The following GRM5 variants were observed in gnomAD, a reference collection of about 807,000 sequenced individuals.
GRM5 encodes the protein metabotropic glutamate receptor 5.
GRM5 carries 19 observed loss-of-function variants against 83.1 expected under a neutral mutation model. That is an observed-to-expected ratio of 0.23 (90% confidence interval 0.16 to 0.34). The LOEUF is 0.34. Ranked by LOEUF, GRM5 falls within the 10% of genes least tolerant of loss-of-function variation. The pLI is 1.00. For missense variants in GRM5, 1,160 were observed against 1,588.3 expected (o/e 0.73, Z 4.58); for synonymous variants, 675 against 633.6 (o/e 1.07, Z -0.98).
intron 3 of GRM5, among the ~76,000 whole-genome samples, chr11:88,683,751 G>A (rs764595625): frequency 6.6e-5 from 10 of 152,126 alleles, no homozygotes; most frequent in Admixed American, 5.2e-4. Flanking sequence ...TATTTGATAA[G>A]TGCTAATATG....
chr11:88,823,585 C>T (rs1216446092), intron 3 of GRM5, among the ~76,000 whole-genome samples: 1 of 151,490 alleles, frequency 6.6e-6, no homozygotes, highest in African/African-American at 2.4e-5. Context: ...GTAGATTTTA[C>T]ATCAGGAAGT....
intron 2 of GRM5, among the ~76,000 whole-genome samples, chr11:88,970,414 G>A (rs549644177): frequency 2.0e-5 from 3 of 152,086 alleles, no homozygotes; most frequent in Non-Finnish European, 4.4e-5. Context: ...CTTCTTAAAC[G>A]TCTTTGTCTG....
intron 2 of GRM5, among the ~76,000 whole-genome samples, chr11:88,921,450 C>T (rs11021675): frequency 0.039 from 5,860 of 152,002 alleles, 180 homozygotes; most frequent in African/African-American, 0.079. Context: ...GGTGAAACCC[C>T]GTCTCTAGTA....
intron 2 of GRM5, among the ~76,000 whole-genome samples, chr11:88,882,334 G>A (rs938430302): frequency 6.6e-6 from 1 of 150,936 alleles, no homozygotes; most frequent in African/African-American, 2.4e-5. Flanking sequence ...GGTAGATCAC[G>A]AGGTCAGGAG....
At chr11:88,801,865 G>A (rs1216909686) in intron 3 of GRM5, among the ~76,000 whole-genome samples, 1 of 152,074 alleles carries the variant, frequency 6.6e-6, no homozygotes, top group East Asian at 1.9e-4. Context: ...GAGGAGAAAA[G>A]CTCCTCATGG....
At chr11:88,703,315 A>G (rs1941078552) in intron 3 of GRM5, among the ~76,000 whole-genome samples, 1 of 152,064 alleles carries the variant, frequency 6.6e-6, no homozygotes, top group Non-Finnish European at 1.5e-5. Context: ...ATTTTACTAT[A>G]CTCTAAAGAA....
chr11:88,827,284 G>A (rs1020895730), intron 3 of GRM5, among the ~76,000 whole-genome samples: 3 of 152,092 alleles, frequency 2.0e-5, no homozygotes, highest in Admixed American at 1.3e-4. Flanking sequence ...CTCCACATCA[G>A]CAATGTTACA....
chr11:88,894,784 T>G (rs1164290290), intron 2 of GRM5, among the ~76,000 whole-genome samples: 2 of 151,956 alleles, frequency 1.3e-5, no homozygotes, highest in Non-Finnish European at 2.9e-5. Flanking sequence ...TCCTTATGAA[T>G]GAATTAGTAC....
intron 2 of GRM5, among the ~76,000 whole-genome samples, chr11:88,928,840 A>G (rs1475198683): frequency 1.3e-5 from 2 of 151,658 alleles, no homozygotes; most frequent in African/African-American, 4.8e-5. Flanking sequence ...AGTGCAGTAA[A>G]TGGATAGTAA....
At chr11:88,950,964 T>C (rs1225620218) in intron 2 of GRM5, among the ~76,000 whole-genome samples, 1 of 152,210 alleles carries the variant, frequency 6.6e-6, no homozygotes, top group Non-Finnish European at 1.5e-5. Flanking sequence ...TATGAGACCA[T>C]CAGTGTTGGG....
intron 1 of GRM5, chr11:89,063,711 G>C (rs559180361): frequency 6.6e-6 from 1 of 152,360 alleles, no homozygotes; most frequent in East Asian, 1.9e-4. Context: ...GAAGGGGAGA[G>C]AGCGGAGGAG....
At chr11:88,978,001 G>C (rs1939395904) in intron 2 of GRM5, among the ~76,000 whole-genome samples, 1 of 152,114 alleles carries the variant, frequency 6.6e-6, no homozygotes, top group Non-Finnish European at 1.5e-5. Context: ...ACATCCTTAA[G>C]TATATCATCT....
intron 2 of GRM5, among the ~76,000 whole-genome samples, chr11:89,004,199 T>C (rs1256985333): frequency 6.6e-6 from 1 of 152,166 alleles, no homozygotes; most frequent in African/African-American, 2.4e-5. Context: ...TTCTCTTAAA[T>C]GCAAGAGGCT....
At chr11:88,731,611 T>C (rs899846488) in intron 3 of GRM5, among the ~76,000 whole-genome samples, 5 of 152,040 alleles carry the variant, frequency 3.3e-5, no homozygotes, top group Admixed American at 6.6e-5. Context: ...AGGAGTGACA[T>C]TATTGATGGG....
chr11:88,602,838 C>T (rs1338879762), intron 5 of GRM5, among the ~76,000 whole-genome samples: 4 of 152,154 alleles, frequency 2.6e-5, no homozygotes, highest in Admixed American at 2.0e-4. Flanking sequence ...AAGTAGAACA[C>T]TTGGCTTAGT....
At chr11:88,823,686 G>C (rs1565248290) in intron 3 of GRM5, among the ~76,000 whole-genome samples, 1 of 152,266 alleles carries the variant, frequency 6.6e-6, no homozygotes, top group South Asian at 2.1e-4. Flanking sequence ...TTCCTGCATA[G>C]AGAGAAACTT....
chr11:88,807,596 T>C (rs113644515), intron 3 of GRM5, among the ~76,000 whole-genome samples: 1 of 152,098 alleles, frequency 6.6e-6, no homozygotes, highest in South Asian at 2.1e-4. Flanking sequence ...AGTCGAGCAA[T>C]TGATGGTATG....
intron 3 of GRM5, among the ~76,000 whole-genome samples, chr11:88,671,444 A>G (rs1486919736): frequency 6.6e-6 from 1 of 152,100 alleles, no homozygotes; most frequent in Non-Finnish European, 1.5e-5. Context: ...AGCTGCATTT[A>G]GTGTTTGTTT....
At chr11:88,531,716 G>A (rs1942012936) in intron 8 of GRM5, among the ~76,000 whole-genome samples, 1 of 152,086 alleles carries the variant, frequency 6.6e-6, no homozygotes, top group Non-Finnish European at 1.5e-5. Flanking sequence ...CAGCAAATAA[G>A]AAAGCTAAAG....
Sources: allele counts gnomAD v4.1 joint callset (sites outside exome capture counted in the v4.1 genomes callset), GRCh38; gene constraint gnomAD v4.1.1; transcripts MANE v1.5; gene names NCBI Gene and HGNC (gene_info 2026-07-23, HGNC 2026-07-21).